PHACTR3: variants seen among roughly 807,000 people sequenced by gnomAD.
The protein encoded by PHACTR3 is protein phosphatase 1, regulatory subunit 123.
Under a neutral mutation model 66.8 loss-of-function variants are expected in PHACTR3, and 16 were observed. The ratio of observed to expected loss-of-function variants is 0.24; its 90% CI spans 0.16 to 0.36. The LOEUF is 0.36. Ranked by LOEUF, PHACTR3 falls within the 10% of genes least tolerant of loss-of-function variation. The pLI is 1.00. For synonymous variants in PHACTR3, 323 were observed against 292.1 expected (o/e 1.11, Z -1.08); for missense variants, 647 against 719.9 (o/e 0.90, Z 1.16).
intron 12 of PHACTR3, among the ~76,000 whole-genome samples, chr20:59,846,533 A>G (rs1291497361): frequency 6.6e-6 from 1 of 152,208 alleles, no homozygotes; most frequent in Non-Finnish European, 1.5e-5. Context: ...TAGAATGAAT[A>G]CATATTCTAT....
chr20:59,725,278 C>G (rs1248950496), intron 1 of PHACTR3, among the ~76,000 whole-genome samples: 5 of 151,184 alleles, frequency 3.3e-5, no homozygotes, highest in African/African-American at 9.8e-5. Context: ...GCTCAGGCAG[C>G]TGTGAGTCCA....
At chr20:59,763,941 T>C (rs947052238) in intron 4 of PHACTR3, among the ~76,000 whole-genome samples, 2 of 152,220 alleles carry the variant, frequency 1.3e-5, no homozygotes, top group Non-Finnish European at 2.9e-5. Context: ...AAAGGTCATC[T>C]TTCATAAGTT....
chr20:59,785,529 C>T (rs1029399906), intron 7 of PHACTR3, among the ~76,000 whole-genome samples: 1 of 152,176 alleles, frequency 6.6e-6, no homozygotes, highest in Non-Finnish European at 1.5e-5. Context: ...TGCTGCTGGA[C>T]TCCATTCTTG....
chr20:59,686,350 T>G (rs1601100376), intron 1 of PHACTR3, among the ~76,000 whole-genome samples: 1 of 152,198 alleles, frequency 6.6e-6, no homozygotes, highest in Admixed American at 6.5e-5. Context: ...ATCTATACAA[T>G]GGGAATAATA....
At chr20:59,689,819 C>T (rs569346396) in intron 1 of PHACTR3, among the ~76,000 whole-genome samples, 1 of 152,254 alleles carries the variant, frequency 6.6e-6, no homozygotes, top group South Asian at 2.1e-4. Flanking sequence ...ATCCCTGTAT[C>T]CTGGCATCTC....
At chr20:59,594,032 A>G (rs1388894706) in intron 1 of PHACTR3, among the ~76,000 whole-genome samples, 2 of 152,206 alleles carry the variant, frequency 1.3e-5, no homozygotes, top group African/African-American at 4.8e-5. Flanking sequence ...GTGAATAGTC[A>G]CAACTGATTT....
At chr20:59,782,130 C>G (rs2040746224) in intron 7 of PHACTR3, among the ~76,000 whole-genome samples, 1 of 152,136 alleles carries the variant, frequency 6.6e-6, no homozygotes, top group African/African-American at 2.4e-5. Context: ...CAAAAGAGGG[C>G]TGGGTCGGGA....
At chr20:59,839,930 A>AC (rs1461512848) in intron 9 of PHACTR3, among the ~76,000 whole-genome samples, 1 of 152,238 alleles carries the variant, frequency 6.6e-6, no homozygotes, top group African/African-American at 2.4e-5. Context: ...TTATTAAGGA[A>AC]AAAAATTAGT....
intron 3 of PHACTR3, among the ~76,000 whole-genome samples, chr20:59,751,590 C>CG (rs1184582375): frequency 6.6e-6 from 1 of 152,100 alleles, no homozygotes; most frequent in Non-Finnish European, 1.5e-5. Context: ...CGCCAGCTCC[C>CG]GGGGGTGAGG....
intron 7 of PHACTR3, among the ~76,000 whole-genome samples, chr20:59,775,495 G>A (rs1251263323): frequency 6.6e-6 from 1 of 152,120 alleles, no homozygotes; most frequent in African/African-American, 2.4e-5. Flanking sequence ...GCAGCCCAGG[G>A]CTCCATAGCC....
At chr20:59,778,501 G>A (rs916558214) in intron 7 of PHACTR3, among the ~76,000 whole-genome samples, 3 of 152,186 alleles carry the variant, frequency 2.0e-5, no homozygotes, top group African/African-American at 7.2e-5. Context: ...CCACCTGGCC[G>A]CTGTGTGGCA....
chr20:59,578,432 C>T (rs2032777217), intron 1 of PHACTR3, among the ~76,000 whole-genome samples: 1 of 152,192 alleles, frequency 6.6e-6, no homozygotes, highest in Non-Finnish European at 1.5e-5. Context: ...CAGATTGTTC[C>T]AGGGGCCCCA....
In PHACTR3 at chr20:59,604,943, G is replaced by A. The variant is rs1357586065; in HGVS notation, c.-72G>A. 9 of 1,223,456 alleles carry A rather than the reference G, an allele frequency of 7.4e-6. No individual in the cohort carries two copies. Among genetic ancestry groups the A allele is most frequent in the African/African-American group, 1.6e-5 (1 of 62,584 alleles). The allele number at this position is 1,223,456 out of a possible 1,614,324, so 75.8% of individuals were successfully genotyped here. ...GACGCCCCCTCCAGCCCCCTCGCCGGTGACCTTGGCCGCCTCGGATGCTCT... is the reference window on the plus strand; with the variant it reads ...GACGCCCCCTCCAGCCCCCTCGCCGATGACCTTGGCCGCCTCGGATGCTCT... On this transcript the variant is annotated 5_prime_UTR_variant, in exon 1 of 13. The change creates a new upstream start codon in the 5' untranslated region. Transcript: ENST00000371015.
At chr20:59,667,340 G>A (rs1362164258) in intron 1 of PHACTR3, among the ~76,000 whole-genome samples, 1 of 152,100 alleles carries the variant, frequency 6.6e-6, no homozygotes, top group Non-Finnish European at 1.5e-5. Context: ...AGCAGGCCCT[G>A]CCACCTGGGC....
chr20:59,812,087 C>T (rs6123946), intron 8 of PHACTR3, among the ~76,000 whole-genome samples: 12,575 of 152,264 alleles, frequency 0.083, 865 homozygotes, highest in East Asian at 0.36. Flanking sequence ...GCATGAACAG[C>T]GGTCACGATG....
At chr20:59,726,563 C>A (rs1340346145) in intron 1 of PHACTR3, among the ~76,000 whole-genome samples, 2 of 152,180 alleles carry the variant, frequency 1.3e-5, no homozygotes, top group African/African-American at 4.8e-5. Flanking sequence ...CCAGCCCCAG[C>A]TTCTTGACTT....
chr20:59,726,806 T>G (rs888582558), intron 1 of PHACTR3, among the ~76,000 whole-genome samples: 2 of 152,188 alleles, frequency 1.3e-5, no homozygotes, highest in African/African-American at 2.4e-5. Flanking sequence ...CTTTGCATAT[T>G]TTCCACAGGG....
chr20:59,823,738 C>T (rs2042112085), intron 8 of PHACTR3, among the ~76,000 whole-genome samples: 1 of 152,358 alleles, frequency 6.6e-6, no homozygotes, highest in Admixed American at 6.5e-5. Context: ...TCTCACTTCT[C>T]TCTCCCACGC....
intron 1 of PHACTR3, among the ~76,000 whole-genome samples, chr20:59,638,525 G>T (rs532808282): frequency 2.3e-4 from 30 of 130,990 alleles, no homozygotes; most frequent in Middle Eastern, 9.3e-3. Context: ...TGGATGGATT[G>T]ATGGATGATT....
Sources: gnomAD v4.1 joint callset for allele counts (sites outside exome capture counted in the v4.1 genomes callset) on GRCh38, gnomAD v4.1.1 for gene constraint, MANE v1.5 for transcripts, NCBI Gene and HGNC (gene_info 2026-07-23, HGNC 2026-07-21) for gene names.